The following CDH18 variants were observed in gnomAD, a reference collection of about 807,000 sequenced individuals.
The protein encoded by CDH18 is cadherin-18.
In CDH18, 31 loss-of-function variants were observed where a neutral mutation model predicts 67.9. That is an observed-to-expected ratio of 0.46 (90% CI 0.34 to 0.62). CDH18 has a LOEUF of 0.62. Among genes scored for constraint, CDH18 ranks in the 20% least tolerant of loss-of-function variants. The probability of loss-of-function intolerance (pLI) is 0.01; values close to 1 mark genes in which losing one functional copy is unlikely to be tolerated. For synonymous variants in CDH18, 362 were observed against 347.2 expected, an observed-to-expected ratio of 1.04 and a Z score of -0.48; for missense variants, 890 against 975.5, an observed-to-expected ratio of 0.91 and a Z score of 1.17.
At chr5:20,017,163 A>G (rs1737949959) in intron 2 of CDH18, among the ~76,000 whole-genome samples, 1 of 152,168 alleles carries the variant, frequency 6.6e-6, no homozygotes, top group Admixed American at 6.5e-5. Flanking sequence ...ATTTCTGAAA[A>G]ACTAAATACG....
chr5:19,964,200 GAT>G (rs1247552901), intron 2 of CDH18, among the ~76,000 whole-genome samples: 5 of 152,076 alleles, frequency 3.3e-5, no homozygotes, highest in African/African-American at 1.2e-4. Context: ...GTACATATCA[GAT>G]ATATGTTGTT....
intron 1 of CDH18, among the ~76,000 whole-genome samples, chr5:20,489,382 T>C (rs917927928): frequency 6.6e-6 from 1 of 152,056 alleles, no homozygotes; most frequent in Non-Finnish European, 1.5e-5. Flanking sequence ...AGGCTAGCAA[T>C]GATTATTGAA....
intron 1 of CDH18, among the ~76,000 whole-genome samples, chr5:20,419,914 A>T (rs1040761295): frequency 2.6e-5 from 4 of 151,052 alleles, no homozygotes; most frequent in Non-Finnish European, 5.9e-5. Flanking sequence ...TGTTCAGAAA[A>T]AACGACAGAT....
chr5:19,560,356 A>T (rs1739235935), intron 8 of CDH18, among the ~76,000 whole-genome samples: 1 of 152,016 alleles, frequency 6.6e-6, no homozygotes, highest in Non-Finnish European at 1.5e-5. Flanking sequence ...CCAGAAATAA[A>T]GCCAAATACA....
intron 1 of CDH18, among the ~76,000 whole-genome samples, chr5:20,301,461 C>A (rs1328377775): frequency 6.6e-6 from 1 of 152,158 alleles, no homozygotes; most frequent in Non-Finnish European, 1.5e-5. Context: ...TGAGAACATA[C>A]AGTGGCCTGC....
At chr5:20,060,079 C>G (rs1425171984) in intron 2 of CDH18, among the ~76,000 whole-genome samples, 4 of 152,056 alleles carry the variant, frequency 2.6e-5, no homozygotes, top group Non-Finnish European at 5.9e-5. Flanking sequence ...ACTTGTGTAA[C>G]AAACGTGCAC....
intron 6 of CDH18, among the ~76,000 whole-genome samples, chr5:19,598,258 C>A (rs1420808888): frequency 6.6e-6 from 1 of 152,094 alleles, no homozygotes; most frequent in Non-Finnish European, 1.5e-5. Flanking sequence ...TATACACACT[C>A]TAGAAAGGTA....
intron 2 of CDH18, among the ~76,000 whole-genome samples, chr5:19,950,982 T>C (rs1310557059): frequency 6.6e-6 from 1 of 152,164 alleles, no homozygotes; most frequent in East Asian, 1.9e-4. Flanking sequence ...ATTGCTTTGG[T>C]TCAATGGCAG....
chr5:20,298,144 A>T (rs1350700349), intron 1 of CDH18, among the ~76,000 whole-genome samples: 3 of 152,182 alleles, frequency 2.0e-5, no homozygotes, highest in Non-Finnish European at 4.4e-5. Flanking sequence ...CAGAACCAAG[A>T]CCTTTCTTTA....
chr5:19,621,681 A>T (rs1161617718), intron 5 of CDH18, among the ~76,000 whole-genome samples: 1 of 152,134 alleles, frequency 6.6e-6, no homozygotes, highest in Admixed American at 6.6e-5. Flanking sequence ...GTGAGAGGGA[A>T]ATGAGTTGTT....
intron 1 of CDH18, among the ~76,000 whole-genome samples, chr5:20,353,780 T>C (rs983213138): frequency 6.6e-6 from 1 of 152,224 alleles, no homozygotes; most frequent in Admixed American, 6.5e-5. Context: ...ATTTGTCTTT[T>C]CTGGCACTCT....
intron 2 of CDH18, among the ~76,000 whole-genome samples, chr5:20,228,657 T>C (rs1157605282): frequency 6.6e-6 from 1 of 152,082 alleles, no homozygotes; most frequent in East Asian, 1.9e-4. Context: ...CATTCTAATC[T>C]TGCCTTTTAT....
At chr5:20,251,679 G>T (rs1268818258) in intron 2 of CDH18, among the ~76,000 whole-genome samples, 1 of 152,080 alleles carries the variant, frequency 6.6e-6, no homozygotes, top group Non-Finnish European at 1.5e-5. Flanking sequence ...TTAAAAAGTG[G>T]ATGGCCTTGT....
intron 2 of CDH18, among the ~76,000 whole-genome samples, chr5:20,082,192 T>C (rs1744540927): frequency 6.6e-6 from 1 of 152,136 alleles, no homozygotes; most frequent in East Asian, 1.9e-4. Context: ...CTTTTTCCTA[T>C]TGTCAAATCA....
At chr5:20,035,424 A>C (rs1423511836) in intron 2 of CDH18, among the ~76,000 whole-genome samples, 1 of 152,066 alleles carries the variant, frequency 6.6e-6, no homozygotes, top group Non-Finnish European at 1.5e-5. Context: ...AGATTGGGCA[A>C]TTTAGAAAGA....
At chr5:20,408,558 T>C (rs1425211924) in intron 1 of CDH18, among the ~76,000 whole-genome samples, 2 of 151,614 alleles carry the variant, frequency 1.3e-5, no homozygotes, top group African/African-American at 4.8e-5. Flanking sequence ...GTAAATCTTA[T>C]GCCAACCATG....
chr5:19,970,245 T>C (rs966985165), intron 2 of CDH18, among the ~76,000 whole-genome samples: 3 of 151,228 alleles, frequency 2.0e-5, no homozygotes, highest in Non-Finnish European at 3.0e-5. Context: ...TTAATACATA[T>C]TATATATAAA....
At position 20,455,251 on chromosome 5, in the gene CDH18, T is replaced by A. The variant is rs976970251; in HGVS notation, c.-580+120211A>T. On this transcript the variant is annotated intron_variant, in intron 1 of 14. Coordinates refer to the CDH18 transcript ENST00000507958. Reference sequence around the variant, plus strand: ...TGGCCACAAACACCCTGTTGGGAAGTGTCATCTTAGCTGAGAAATCACTGA... The same window carrying A: ...TGGCCACAAACACCCTGTTGGGAAGAGTCATCTTAGCTGAGAAATCACTGA... Among the ~76,000 whole-genome samples the A allele has an allele frequency of 3.3e-5, 5 of 151,998 alleles. No individual in the cohort carries two copies. The East Asian group carries it at 9.7e-4, about 29-fold the overall frequency.
intron 11 of CDH18, among the ~76,000 whole-genome samples, chr5:19,489,250 CT>C (rs1237810466): frequency 1.4e-3 from 182 of 128,086 alleles, no homozygotes; most frequent in Admixed American, 2.5e-3. Context: ...TTTTTTTTTT[CT>C]TTTTTTTTTT....
Sources: gnomAD v4.1 joint callset for allele counts (sites outside exome capture counted in the v4.1 genomes callset) on GRCh38, gnomAD v4.1.1 for gene constraint, MANE v1.5 for transcripts, NCBI Gene and HGNC (gene_info 2026-07-23, HGNC 2026-07-21) for gene names.